TACC2: variants seen among roughly 807,000 people sequenced by gnomAD.
TACC2 encodes the protein transforming acidic coiled-coil-containing protein 2.
A neutral mutation model predicts 227.3 loss-of-function variants in TACC2; 137 were observed. The ratio of observed to expected loss-of-function variants is 0.60; its 90% confidence interval spans 0.52 to 0.69. The LOEUF is 0.69. TACC2 is among the 30% of genes least tolerant of loss of function. The pLI is 0.00. For synonymous variants in TACC2, 1,523 were observed against 1,487.5 expected, an observed-to-expected ratio of 1.02 and a Z score of -0.55; for missense variants, 3,470 against 3,694.4, an observed-to-expected ratio of 0.94 and a Z score of 1.57.
chr10:122,163,423 A>T (rs942956544), intron 7 of TACC2: 48 of 299,668 alleles, frequency 1.6e-4, no homozygotes, highest in Non-Finnish European at 2.3e-4. Flanking sequence ...AAAGCTACAC[A>T]ATGCGGGCGG....
intron 8 of TACC2, among the ~76,000 whole-genome samples, chr10:122,208,750 T>G (rs1055311014): frequency 6.6e-6 from 1 of 152,206 alleles, no homozygotes; most frequent in Non-Finnish European, 1.5e-5. Context: ...TGGGGGTACA[T>G]AACACCTGTC....
At chr10:122,165,085 G>C (rs539497725) in intron 7 of TACC2, among the ~76,000 whole-genome samples, 1 of 152,246 alleles carries the variant, frequency 6.6e-6, no homozygotes, top group South Asian at 2.1e-4. Context: ...TTCCGAGCAG[G>C]TGTGCACCCA....
At position 122,250,268 on chromosome 10, in the gene TACC2, G is replaced by A. The variant is rs555003489; in HGVS notation, c.8781+604G>A. 4.6e-5 allele frequency among the ~76,000 whole-genome samples: 7 copies of A among 152,358 alleles called. No individual in the cohort carries two copies. In the East Asian group the frequency reaches 1.2e-3, roughly 25 times the overall value. ...CTGAGCGTTGGGCTGTTGAGACTGC[G>A]TGTGTGTGAGTGAGGGCCAGCCTCC... is the stretch of plus-strand genomic sequence containing the variant. On this transcript the variant is annotated intron_variant, in intron 22 of 22. Coordinates refer to ENST00000369005, the MANE Select transcript of TACC2 (RefSeq NM_206862.4).
intron 1 of TACC2, chr10:121,994,646 G>A (rs1953199261): frequency 6.6e-6 from 1 of 152,534 alleles, no homozygotes; most frequent in Non-Finnish European, 1.5e-5. Context: ...CTGAAAAGGA[G>A]CCTCTGGAAG....
intron 10 of TACC2, among the ~76,000 whole-genome samples, chr10:122,216,264 G>C (rs779936372): frequency 6.6e-6 from 1 of 152,196 alleles, no homozygotes; most frequent in Non-Finnish European, 1.5e-5. Flanking sequence ...TGAGATGCTT[G>C]TCAGGTGATT....
At chr10:122,226,230 C>T (rs2095625428) in intron 12 of TACC2, 136 bp from the exon 13 acceptor site, 1 of 639,492 alleles carries the variant, frequency 1.6e-6, no homozygotes, top group East Asian at 2.8e-5. Context: ...CTCCTCTCTT[C>T]CTGGTGGCTC....
chr10:122,142,710 G>GTCTGTGCT (rs1565421693), intron 6 of TACC2, among the ~76,000 whole-genome samples: 2 of 152,220 alleles, frequency 1.3e-5, no homozygotes, highest in African/African-American at 4.8e-5. Flanking sequence ...GTTTCAGGCC[G>GTCTGTGCT]TCTGTGCTGA....
chr10:122,196,581 A>G (rs1259204156), intron 8 of TACC2, among the ~76,000 whole-genome samples: 1 of 152,202 alleles, frequency 6.6e-6, no homozygotes, highest in African/African-American at 2.4e-5. Flanking sequence ...CAAGCATATA[A>G]AACTGTATTT....
At chr10:122,157,909 C>T (rs985553567) in intron 7 of TACC2, among the ~76,000 whole-genome samples, 8 of 151,024 alleles carry the variant, frequency 5.3e-5, no homozygotes, top group Admixed American at 4.6e-4. Flanking sequence ...TCAGTCTTTT[C>T]GAACGTGGTA....
intron 7 of TACC2, among the ~76,000 whole-genome samples, chr10:122,183,755 C>T (rs984083843): frequency 6.6e-6 from 1 of 152,154 alleles, no homozygotes. Flanking sequence ...CAGGAGCCTC[C>T]GTGAGTGGGG....
At chr10:122,167,461 T>G (rs1205656151) in intron 7 of TACC2, among the ~76,000 whole-genome samples, 2 of 152,200 alleles carry the variant, frequency 1.3e-5, no homozygotes, top group Non-Finnish European at 2.9e-5. Flanking sequence ...TGGGAGCTAG[T>G]TCGGGGAAGT....
chr10:122,213,374 T>C (rs766713597), intron 9 of TACC2: 4 of 1,612,382 alleles, frequency 2.5e-6, no homozygotes, highest in Non-Finnish European at 3.4e-6. Context: ...GTGTGTTCTC[T>C]GTTGTAAGTA....
At chr10:122,175,134 T>C (rs1053129262) in intron 7 of TACC2, among the ~76,000 whole-genome samples, 2 of 152,012 alleles carry the variant, frequency 1.3e-5, no homozygotes, top group African/African-American at 4.8e-5. Flanking sequence ...TTGTATTTTT[T>C]ATAGAGATGA....
At chr10:122,178,239 C>CTT (rs61083559) in intron 7 of TACC2, among the ~76,000 whole-genome samples, 65 of 136,474 alleles carry the variant, frequency 4.8e-4, no homozygotes, top group African/African-American at 1.2e-3. Context: ...TTCTTTCTTT[C>CTT]TTTTTTTTTT....
At chr10:122,109,461 G>A (rs1003901544) in intron 5 of TACC2, among the ~76,000 whole-genome samples, 10 of 152,074 alleles carry the variant, frequency 6.6e-5, no homozygotes, top group African/African-American at 2.4e-4. Flanking sequence ...AACCCGGTGA[G>A]TCTTATTGGC....
intron 7 of TACC2, among the ~76,000 whole-genome samples, chr10:122,191,051 A>G (rs1028501122): frequency 1.3e-5 from 2 of 152,166 alleles, no homozygotes; most frequent in Non-Finnish European, 2.9e-5. Flanking sequence ...GCCTCTGGCA[A>G]AGGAATTTGC....
chr10:122,162,318 C>T (rs953330807), intron 7 of TACC2, among the ~76,000 whole-genome samples: 3 of 152,178 alleles, frequency 2.0e-5, no homozygotes, highest in African/African-American at 7.2e-5. Flanking sequence ...TTGGCCACGT[C>T]GCTAGAAAAC....
chr10:122,211,730 G>T, intron 9 of TACC2, 22 bp downstream of exon 9: 1 of 1,526,428 alleles, frequency 6.6e-7, no homozygotes, highest in Non-Finnish European at 8.8e-7. Flanking sequence ...GGTGGAGGTG[G>T]TAAGGATCAG....
chr10:122,150,198 A>T lies in TACC2; in HGVS notation c.5834+6492A>T, dbSNP rs1432753849. Among the ~76,000 whole-genome samples the T allele has an allele frequency of 6.6e-6, 1 of 152,216 alleles. No homozygotes were observed. The highest frequency in any genetic ancestry group is 1.5e-5 in the Non-Finnish European group (1 of 68,034). On this transcript the variant is annotated intron_variant, in intron 7 of 22. Transcript: ENST00000369005. The surrounding 1 kb of genome is among the most constrained non-coding windows in gnomAD (Gnocchi z 4.0). ...GGGGCACAGCTGGGAGAAGCTGCAA[A>T]GCTTCAGCTTGTGACGCCATCTGGG...
Sources: allele counts gnomAD v4.1 joint callset (sites outside exome capture counted in the v4.1 genomes callset), GRCh38; gene constraint gnomAD v4.1.1; non-coding constraint Gnocchi (gnomAD v3.1); transcripts MANE v1.5; gene names NCBI Gene and HGNC (gene_info 2026-07-23, HGNC 2026-07-21).